Variants in DIP2C observed in about 807,000 individuals in gnomAD.
The protein encoded by DIP2C is DIP2 acetate--CoA ligase C (putative).
In DIP2C, 33 loss-of-function variants were observed where a neutral mutation model predicts 192.4. The ratio of observed to expected loss-of-function variants is 0.17; its 90% confidence interval spans 0.13 to 0.23. The LOEUF is 0.23. Among genes scored for constraint, DIP2C ranks in the 10% least tolerant of loss-of-function variants. DIP2C has a pLI of 1.00. For synonymous variants in DIP2C, 979 were observed against 864.1 expected, an observed-to-expected ratio of 1.13 and a Z score of -2.33; for missense variants, 1,537 against 2,110.1, an observed-to-expected ratio of 0.73 and a Z score of 5.32.
rs1954421856 is a variant in DIP2C, at chr10:274,614, CAT to C, written c.*2709_*2710del. 1 of 152,212 alleles carries C rather than the reference CAT, an allele frequency of 6.6e-6. No individual in the cohort carries two copies. Among genetic ancestry groups the C allele is most frequent in the Non-Finnish European group, 1.5e-5 (1 of 68,040 alleles). 9.4% of individuals were successfully genotyped at this position (152,212 alleles called of 1,614,324 possible). A position where few individuals can be genotyped will look rare whatever the true frequency, so the allele number is the denominator to read the frequency against. ...GTTTGAAACTGTGGCTGGTTGAGTACATGAGTTTCTCTAACCAGTCACCACAC... is the reference window on the plus strand; with the variant it reads ...GTTTGAAACTGTGGCTGGTTGAGTACGAGTTTCTCTAACCAGTCACCACAC... On this transcript the variant is annotated 3_prime_UTR_variant, in exon 37 of 37. Coordinates refer to ENST00000280886, the MANE Select transcript of DIP2C (RefSeq NM_014974.3).
At chr10:509,779 C>A (rs2130762921) in intron 1 of DIP2C, among the ~76,000 whole-genome samples, 1 of 152,158 alleles carries the variant, frequency 6.6e-6, no homozygotes, top group South Asian at 2.1e-4. Flanking sequence ...GGACGGGGCG[C>A]CGCAGTCTCC....
chr10:673,338 A>T (rs1338469964), intron 1 of DIP2C, among the ~76,000 whole-genome samples: 1 of 152,240 alleles, frequency 6.6e-6, no homozygotes, highest in Non-Finnish European at 1.5e-5. Flanking sequence ...CAAAGAGAGC[A>T]ATGCTGTCTC....
chr10:410,654 G>A (rs1965124774), intron 8 of DIP2C, among the ~76,000 whole-genome samples: 1 of 152,162 alleles, frequency 6.6e-6, no homozygotes, highest in South Asian at 2.1e-4. Context: ...GAAAAACAAT[G>A]TGTTGTAACT....
intron 9 of DIP2C, among the ~76,000 whole-genome samples, chr10:406,832 C>G (rs1964839651): frequency 6.6e-6 from 1 of 152,104 alleles, no homozygotes; most frequent in African/African-American, 2.4e-5. Flanking sequence ...AACCTAAGAT[C>G]AGTGCTGGAG....
In DIP2C at chr10:277,296, G is replaced by GA; in HGVS notation, c.*28dup. ...ACGGAGAACAATGTCTACATCTCTA[G>GA]AAAAGTCCATGGAAGCCAAGAGACG... On this transcript the variant is annotated 3_prime_UTR_variant, in exon 37 of 37. Transcript: ENST00000280886. 3 of 1,610,596 alleles carry GA rather than the reference G, an allele frequency of 1.9e-6. No individual in the cohort carries two copies. Among genetic ancestry groups the GA allele is most frequent in the African/African-American group, 1.3e-5 (1 of 75,016 alleles).
chr10:689,507 C>T lies in DIP2C; in HGVS notation c.72G>A (p.Leu24=), dbSNP rs771658410. The T allele has an allele frequency of 2.3e-4, 292 of 1,280,650 alleles. No individual in the cohort carries two copies. Among genetic ancestry groups the T allele is most frequent in the Non-Finnish European group, 2.9e-4 (287 of 994,326 alleles). The allele number at this position is 1,280,650 out of a possible 1,614,324, so 79.3% of individuals were successfully genotyped here. ...EVRARLAELE[L]ELSEGDITQK... ...GGGCCCGGTTACCTTCCGACAGCTC[C>T]AGCTCCAGCTCGGCCAGGCGCGCCC... Residue 24 remains leucine, a synonymous_variant, in exon 1 of 37, where the codon CTG becomes CTA. Transcript: ENST00000280886. The surrounding 1 kb of genome is among the most constrained non-coding windows in gnomAD (Gnocchi z 6.1).
intron 1 of DIP2C, among the ~76,000 whole-genome samples, chr10:596,155 T>C (rs576128423): frequency 4.6e-5 from 7 of 152,240 alleles, no homozygotes; most frequent in African/African-American, 1.7e-4. Flanking sequence ...AGGTCACAGA[T>C]AACGTTTTAA....
At chr10:531,963 A>G (rs1847398915) in intron 1 of DIP2C, among the ~76,000 whole-genome samples, 1 of 152,232 alleles carries the variant, frequency 6.6e-6, no homozygotes, top group South Asian at 2.1e-4. Context: ...TTTATAGATA[A>G]ACAGAGAACA....
chr10:449,920 C>CAACAAAAAAAAAAAAAAAAAAAAAAA (rs1408389732), intron 3 of DIP2C, among the ~76,000 whole-genome samples: 7 of 135,908 alleles, frequency 5.2e-5, no homozygotes, highest in Non-Finnish European at 7.7e-5. Flanking sequence ...TCAACAACAA[C>CAACAAAAAAAAAAAAAAAAAAAAAAA]AAAAAAAAAA....
intron 31 of DIP2C, among the ~76,000 whole-genome samples, chr10:321,075 G>A (rs1280080559): frequency 6.6e-6 from 1 of 152,216 alleles, no homozygotes; most frequent in Admixed American, 6.5e-5. Context: ...GGAGGCAGAC[G>A]CTTGGGGCTG....
intron 10 of DIP2C, among the ~76,000 whole-genome samples, chr10:393,791 A>AAG (rs1161467136): frequency 7.5e-6 from 1 of 133,866 alleles, no homozygotes; most frequent in East Asian, 2.0e-4. Context: ...AAAAAAAAAA[A>AAG]AAAAAGAAAA....
intron 1 of DIP2C, among the ~76,000 whole-genome samples, chr10:683,772 G>A (rs933778544): frequency 3.3e-5 from 5 of 152,162 alleles, no homozygotes; most frequent in South Asian, 2.1e-4. Flanking sequence ...TCCTCAGTGC[G>A]CTCCCTCTGC....
intron 1 of DIP2C, among the ~76,000 whole-genome samples, chr10:505,464 C>T (rs113739482): frequency 2.0e-5 from 3 of 152,212 alleles, no homozygotes; most frequent in Non-Finnish European, 2.9e-5. Flanking sequence ...CTGAGGCTCT[C>T]GACTGATCCC....
chr10:310,773 C>G (rs1260453486), intron 31 of DIP2C, among the ~76,000 whole-genome samples: 1 of 152,176 alleles, frequency 6.6e-6, no homozygotes, highest in Admixed American at 6.5e-5. Context: ...ACCATGCTGA[C>G]TTCTGACCAG....
intron 18 of DIP2C, among the ~76,000 whole-genome samples, chr10:367,330 T>C (rs1046098414): frequency 6.7e-6 from 1 of 148,938 alleles, no homozygotes; most frequent in African/African-American, 2.5e-5. Flanking sequence ...GGCAGGAGAA[T>C]GGCGTGAACC....
At position 466,255 on chromosome 10, in the gene DIP2C, C is replaced by G. The variant is rs375819545; in HGVS notation, c.268+6184G>C. ...TGCCACATACCTACAACTATCTGATCTTTGACAAACCTGAGAAAAACAAGC... is the reference window on the plus strand; with the variant it reads ...TGCCACATACCTACAACTATCTGATGTTTGACAAACCTGAGAAAAACAAGC... On this transcript the variant is annotated intron_variant, in intron 3 of 36. Coordinates refer to ENST00000280886, the MANE Select transcript of DIP2C (RefSeq NM_014974.3). Among the ~76,000 whole-genome samples the G allele has an allele frequency of 9.2e-4, 139 of 151,800 alleles. 1 individual carries two copies. In the South Asian group the frequency reaches 0.027, roughly 30 times the overall value.
chr10:486,410 G>A lies in DIP2C; in HGVS notation c.157+49C>T, dbSNP rs770523875. On this transcript the variant is annotated intron_variant, in intron 2 of 36. Transcript: ENST00000280886. ...CCTCCAGATGTTTCTCTGGCACATA[G>A]TGAATGCGGGAAATGAGAGGACTCA... The A allele has an allele frequency of 3.1e-5, 46 of 1,507,438 alleles. No individual in the cohort carries two copies. The African/African-American group carries it at 5.2e-4, about 17-fold the overall frequency. 93.4% of individuals were successfully genotyped at this position (1,507,438 alleles called of 1,614,324 possible).
At chr10:606,483 T>C (rs36056123) in intron 1 of DIP2C, among the ~76,000 whole-genome samples, 2 of 151,516 alleles carry the variant, frequency 1.3e-5, no homozygotes, top group African/African-American at 4.9e-5. Context: ...TGCTGTGATC[T>C]GAATTCTCAT....
At chr10:506,702 CG>C (rs1411534806) in intron 1 of DIP2C, among the ~76,000 whole-genome samples, 1 of 152,198 alleles carries the variant, frequency 6.6e-6, no homozygotes, top group Non-Finnish European at 1.5e-5. Context: ...AGTGGCCTCC[CG>C]GGACAACATT....
Sources: allele counts gnomAD v4.1 joint callset (sites outside exome capture counted in the v4.1 genomes callset), GRCh38; gene constraint gnomAD v4.1.1; non-coding constraint Gnocchi (gnomAD v3.1); transcripts MANE v1.5; gene names NCBI Gene and HGNC (gene_info 2026-07-23, HGNC 2026-07-21).